SCN8A: variants seen among roughly 807,000 people sequenced by gnomAD.
SCN8A encodes the protein sodium voltage-gated channel alpha subunit 8, also known as sodium channel protein type 8 subunit alpha.
Under a neutral mutation model 184.1 loss-of-function variants are expected in SCN8A, and 30 were observed. The ratio of observed to expected loss-of-function variants is 0.16; its 90% CI spans 0.12 to 0.22. The LOEUF is 0.22. Among genes scored for constraint, SCN8A ranks in the 10% least tolerant of loss-of-function variants. The probability of loss-of-function intolerance (pLI) is 1.00; values close to 1 mark genes in which losing one functional copy is unlikely to be tolerated. For synonymous variants in SCN8A, 852 were observed against 907.0 expected, an observed-to-expected ratio of 0.94 and a Z score of 1.09; for missense variants, 1,057 against 2,498.9, an observed-to-expected ratio of 0.42 and a Z score of 12.30.
rs78857590 is a variant in SCN8A, at chr12:51,781,871, A to T, written c.3942+1100A>T. On this transcript the variant is annotated intron_variant, in intron 21 of 26. Coordinates refer to ENST00000627620, the MANE Select transcript of SCN8A (RefSeq NM_001330260.2). ...CAAACGTCAGAATGTAAGAATAAAA[A>T]TTAAACTGTTACGATAGTCTACGTG... Among the ~76,000 whole-genome samples, 317 of 152,342 alleles carry T rather than the reference A, an allele frequency of 2.1e-3. 2 individuals carry two copies. The East Asian group carries it at 0.025, about 12-fold the overall frequency.
intron 2 of SCN8A, among the ~76,000 whole-genome samples, chr12:51,670,052 T>G (rs1941103644): frequency 6.6e-6 from 1 of 152,228 alleles, no homozygotes; most frequent in African/African-American, 2.4e-5. Context: ...CCCAACAATA[T>G]AAGGAAACAA....
At chr12:51,745,588 G>A (rs892161811) in intron 12 of SCN8A, among the ~76,000 whole-genome samples, 1 of 152,202 alleles carries the variant, frequency 6.6e-6, no homozygotes, top group African/African-American at 2.4e-5. Flanking sequence ...TACTTCGGAT[G>A]ACAGTACCCC....
At position 51,702,912 on chromosome 12, in the gene SCN8A, T is replaced by C. The variant is rs1410237265; in HGVS notation, c.1132T>C (p.Leu378=). Residue 378 remains leucine (L), a splice_region_variant and synonymous_variant, in exon 9 of 27, where the codon TTG becomes CTG. Coordinates refer to ENST00000627620, the MANE Select transcript of SCN8A (RefSeq NM_001330260.2). ...GGACTATTGGGAAAACTTGTATCAA[T>C]TGGTGAGTAATACCTCTTTTCCTTT... ...TQDYWENLYQ[L]TLRAAGKTYM... 5.0e-6 allele frequency: 8 copies of C among 1,595,990 alleles called. 1 individual carries two copies. In the South Asian group the frequency reaches 5.7e-5, roughly 11 times the overall value.
chr12:51,676,124 G>GT (rs2138693546), intron 2 of SCN8A, among the ~76,000 whole-genome samples: 1 of 152,182 alleles, frequency 6.6e-6, no homozygotes, highest in South Asian at 2.1e-4. Context: ...TCAAATAGAA[G>GT]TACACGCCTA....
chr12:51,807,200 C>G lies in SCN8A; in HGVS notation c.5714C>G (p.Ala1905Gly). 9 of 1,613,914 alleles carry G rather than the reference C, an allele frequency of 5.6e-6. No homozygotes were observed. Among genetic ancestry groups the G allele is most frequent in the Non-Finnish European group, 6.8e-6 (8 of 1,179,902 alleles). Residue 1905 changes from alanine (A) to glycine (G), a missense_variant, in exon 27 of 27, where the codon GCC becomes GGC. Coordinates refer to ENST00000627620, the MANE Select transcript of SCN8A (RefSeq NM_001330260.2). The surrounding 1 kb of genome is among the most constrained non-coding windows in gnomAD (Gnocchi z 4.5). ...EEVSAVVLQR[A>G]YRGHLARRGF... is the part of the protein sequence containing the mutation. The stretch of plus-strand genomic sequence containing the variant: ...GTATCTGCAGTGGTCCTGCAGCGTG[C>G]CTACCGGGGACATTTGGCAAGGCGG...
intron 11 of SCN8A, chr12:51,713,575 T>G: frequency 1.4e-6 from 1 of 708,576 alleles, no homozygotes; most frequent in Non-Finnish European, 2.6e-6. Context: ...GGAGTCGGAC[T>G]GGGGGCGACC....
intron 26 of SCN8A, among the ~76,000 whole-genome samples, chr12:51,801,968 T>A (rs1439604807): frequency 6.6e-6 from 1 of 152,032 alleles, no homozygotes. Context: ...GGCACGAGAA[T>A]CACTTGAACC....
At chr12:51,684,371 AT>A (rs1941385425) in intron 3 of SCN8A, 79 bp downstream of exon 3, 1 of 763,750 alleles carries the variant, frequency 1.3e-6, no homozygotes, top group Non-Finnish European at 2.3e-6. Context: ...TGACAACTGG[AT>A]TATATGTTAA....
chr12:51,724,002 G>A (rs1391762068), intron 12 of SCN8A, among the ~76,000 whole-genome samples: 4 of 152,088 alleles, frequency 2.6e-5, no homozygotes, highest in Non-Finnish European at 5.9e-5. Context: ...CTAATCTTCC[G>A]TGTGCCAGTT....
At chr12:51,759,231 A>G (rs118125629) in intron 14 of SCN8A, among the ~76,000 whole-genome samples, 441 of 151,478 alleles carry the variant, frequency 2.9e-3, no homozygotes, top group Non-Finnish European at 5.4e-3. Context: ...ATATATATAT[A>G]TAAATGAAAA....
intron 14 of SCN8A, among the ~76,000 whole-genome samples, chr12:51,757,731 G>A (rs1012553824): frequency 6.6e-6 from 1 of 152,182 alleles, no homozygotes; most frequent in Non-Finnish European, 1.5e-5. Flanking sequence ...AAGCTGCAGT[G>A]AGCTATGATC....
chr12:51,654,987 C>T (rs532837359), intron 1 of SCN8A, among the ~76,000 whole-genome samples: 1 of 152,032 alleles, frequency 6.6e-6, no homozygotes, highest in East Asian at 1.9e-4. Flanking sequence ...GCAACCTCCA[C>T]CTCCCAGGTT....
intron 11 of SCN8A, among the ~76,000 whole-genome samples, chr12:51,711,304 A>G (rs1188435914): frequency 6.6e-6 from 1 of 152,216 alleles, no homozygotes. Flanking sequence ...GCTGTGCATG[A>G]AAATATTCAC....
chr12:51,614,839 T>C (rs1299474170), intron 1 of SCN8A, among the ~76,000 whole-genome samples: 1 of 151,912 alleles, frequency 6.6e-6, no homozygotes, highest in African/African-American at 2.4e-5. Flanking sequence ...TATTCCTTTT[T>C]GAAAAAATTG....
In SCN8A at chr12:51,786,482, CA is replaced by C. The variant is rs1565925682; in HGVS notation, c.3943-54del. The stretch of plus-strand genomic sequence containing the variant: ...ACAATGTCATTCCCCTCCTGGAAAT[CA>C]AAAAATGTGCTTGCTCTCATTTCCA... On this transcript the variant is annotated intron_variant, in intron 21 of 26. Transcript: ENST00000627620. The C allele has an allele frequency of 1.9e-6, 3 of 1,578,276 alleles. No individual in the cohort carries two copies. The East Asian group carries it at 6.7e-5, about 35-fold the overall frequency.
At chr12:51,601,970 T>G (rs1030503559) in intron 1 of SCN8A, among the ~76,000 whole-genome samples, 2 of 152,050 alleles carry the variant, frequency 1.3e-5, no homozygotes, top group African/African-American at 4.8e-5. Flanking sequence ...TGTATGTTTT[T>G]TTTCTAGCCA....
At chr12:51,612,866 C>A (rs1939751926) in intron 1 of SCN8A, among the ~76,000 whole-genome samples, 1 of 152,060 alleles carries the variant, frequency 6.6e-6, no homozygotes, top group Non-Finnish European at 1.5e-5. Context: ...GGATTACAGG[C>A]ACCCACCACC....
At chr12:51,788,899 A>G (rs1565926891) in intron 23 of SCN8A, among the ~76,000 whole-genome samples, 151 bp downstream of exon 23, 1 of 152,050 alleles carries the variant, frequency 6.6e-6, no homozygotes, top group Non-Finnish European at 1.5e-5. Flanking sequence ...GTTATTGATT[A>G]TAGATCATTT....
chr12:51,678,893 C>T (rs375548692), intron 2 of SCN8A, among the ~76,000 whole-genome samples: 3 of 151,576 alleles, frequency 2.0e-5, no homozygotes, highest in African/African-American at 4.8e-5. Flanking sequence ...CTGGCTAACA[C>T]GGTGAAACCC....
Sources: gnomAD v4.1 joint callset for allele counts (sites outside exome capture counted in the v4.1 genomes callset) on GRCh38, gnomAD v4.1.1 for gene constraint, Gnocchi (gnomAD v3.1) non-coding constraint, MANE v1.5 for transcripts, NCBI Gene and HGNC (gene_info 2026-07-23, HGNC 2026-07-21) for gene names.